TEX11: variants seen among roughly 807,000 people sequenced by gnomAD.
TEX11 encodes the protein testis expressed 11, also known as testis-expressed protein 11.
TEX11 carries 7 observed loss-of-function variants against 84.4 expected under a neutral mutation model. That is an observed-to-expected ratio of 0.08 (90% CI 0.05 to 0.16). TEX11 has a LOEUF of 0.16. Ranked by LOEUF, TEX11 falls within the 10% of genes least tolerant of loss-of-function variation. The probability of loss-of-function intolerance (pLI) is 1.00; values close to 1 mark genes in which losing one functional copy is unlikely to be tolerated. For synonymous variants in TEX11, 264 were observed against 222.8 expected (o/e 1.18, Z -1.64); for missense variants, 551 against 660.5 (o/e 0.83, Z 1.82).
chrX:70,905,422 T>A (rs1311582005), intron 2 of TEX11, among the ~76,000 whole-genome samples: 1 of 111,679 alleles, frequency 9.0e-6, no homozygotes, highest in Admixed American at 9.6e-5. Context: ...ATTTTTTTAA[T>A]GAGAAAAATA....
In TEX11 at chrX:70,904,491, CA is replaced by C. The variant is rs770474644; in HGVS notation, c.37+3261del. Reference sequence around the variant, plus strand: ...GTAAAATGGTAAATAAAAATGACAACAGTCTTCAAAATTGTAAAATTTTAAA... The same window carrying C: ...GTAAAATGGTAAATAAAAATGACAACGTCTTCAAAATTGTAAAATTTTAAA... On this transcript the variant is annotated intron_variant, in intron 2 of 29. Transcript: ENST00000374333. Among the ~76,000 whole-genome samples, 14 of 112,363 alleles carry C rather than the reference CA, an allele frequency of 1.2e-4. 1 individual carries two copies. In the South Asian group the frequency reaches 4.4e-3, roughly 35 times the overall value.
At chrX:70,878,377 T>C (rs921413895) in intron 3 of TEX11, among the ~76,000 whole-genome samples, 6 of 110,061 alleles carry the variant, frequency 5.5e-5, no homozygotes, top group Non-Finnish European at 9.5e-5. Context: ...TTCACTGTGT[T>C]AGCCAGGATG....
intron 13 of TEX11, among the ~76,000 whole-genome samples, chrX:70,704,116 T>G (rs944283106): frequency 9.9e-6 from 1 of 100,695 alleles, no homozygotes; most frequent in Admixed American, 1.0e-4. Context: ...TCTGTCTCTG[T>G]CTCTCTCTCT....
intron 9 of TEX11, among the ~76,000 whole-genome samples, chrX:70,767,741 T>C (rs1400931897): frequency 1.8e-5 from 2 of 111,956 alleles, no homozygotes; most frequent in Non-Finnish European, 3.8e-5. Flanking sequence ...CACGGATAGA[T>C]GAATGGATAA....
chrX:70,574,640 T>G (rs1005340776), intron 25 of TEX11, among the ~76,000 whole-genome samples: 1 of 111,782 alleles, frequency 8.9e-6, no homozygotes, highest in Non-Finnish European at 1.9e-5. Context: ...CCCTATTATA[T>G]GCCAGGCAAA....
At chrX:70,565,801 C>T (rs1603073615) in intron 25 of TEX11, among the ~76,000 whole-genome samples, 1 of 111,548 alleles carries the variant, frequency 9.0e-6, no homozygotes, top group East Asian at 2.8e-4. Flanking sequence ...GTTTTGGTTA[C>T]TGTAGCCTTG....
At chrX:70,811,096 T>C (rs1274468192) in intron 8 of TEX11, among the ~76,000 whole-genome samples, 1 of 111,624 alleles carries the variant, frequency 9.0e-6, no homozygotes, top group Non-Finnish European at 1.9e-5. Flanking sequence ...TACATATGCA[T>C]ACATGTGCCA....
chrX:70,734,497 G>T (rs2090681031), intron 11 of TEX11, among the ~76,000 whole-genome samples: 1 of 111,245 alleles, frequency 9.0e-6, no homozygotes, highest in South Asian at 3.8e-4. Context: ...GGTAACAAAT[G>T]AGCAAACTGT....
At chrX:70,710,446 T>C (rs897644749) in intron 13 of TEX11, among the ~76,000 whole-genome samples, 18 of 111,379 alleles carry the variant, frequency 1.6e-4, no homozygotes, top group African/African-American at 5.5e-4. Context: ...CATCTAGGAC[T>C]AAGATAATTT....
chrX:70,519,595 G>A, the TEX11 span, among the ~76,000 whole-genome samples: 1 of 110,952 alleles, frequency 9.0e-6, no homozygotes, highest in African/African-American at 3.3e-5. Flanking sequence ...TATGTCTTGG[G>A]GTTGCTCTTC....
At chrX:70,593,864 AC>A (rs764362405) in intron 24 of TEX11, among the ~76,000 whole-genome samples, 18 of 111,584 alleles carry the variant, frequency 1.6e-4, no homozygotes, top group African/African-American at 5.5e-4. Flanking sequence ...AAAAAAATAA[AC>A]CAAGCCTCAG....
intron 17 of TEX11, among the ~76,000 whole-genome samples, chrX:70,650,671 A>G (rs1394341513): frequency 1.8e-5 from 2 of 111,784 alleles, no homozygotes; most frequent in Admixed American, 1.9e-4. Flanking sequence ...TGAATAACAG[A>G]GTCCTTTGTA....
intron 9 of TEX11, among the ~76,000 whole-genome samples, chrX:70,784,240 G>C (rs779972786): frequency 9.0e-6 from 1 of 111,148 alleles, no homozygotes; most frequent in Non-Finnish European, 1.9e-5. Context: ...CATGATTATC[G>C]CAATAGATGC....
intron 25 of TEX11, among the ~76,000 whole-genome samples, chrX:70,555,366 G>A (rs1210234689): frequency 8.9e-6 from 1 of 111,951 alleles, no homozygotes; most frequent in Non-Finnish European, 1.9e-5. Flanking sequence ...CATCCTTCTT[G>A]GTAGATTGAA....
At chrX:70,583,154 T>C (rs952641453) in intron 25 of TEX11, among the ~76,000 whole-genome samples, 27 of 111,700 alleles carry the variant, frequency 2.4e-4, no homozygotes, top group African/African-American at 8.8e-4. Context: ...TTTTGTTACA[T>C]GGATATATTA....
rs201335044 is a variant in TEX11, at chrX:70,687,250, TTATC to T, written c.1005-4429_1005-4426del. ...ATTAATCCACTTCCAAGTATTTTAA[TTATC>T]TATCTCTTAAAGATAGAAACTATTT... On this transcript the variant is annotated intron_variant, in intron 13 of 29. Coordinates refer to ENST00000374333, the MANE Select transcript of TEX11 (RefSeq NM_031276.3). 6.7e-3 allele frequency among the ~76,000 whole-genome samples: 753 copies of T among 111,854 alleles called. 3 individuals carry two copies. Among genetic ancestry groups the T allele is most frequent in the African/African-American group, 0.023 (721 of 30,816 alleles).
At chrX:70,754,183 T>C (rs2090850606) in intron 9 of TEX11, among the ~76,000 whole-genome samples, 1 of 110,855 alleles carries the variant, frequency 9.0e-6, no homozygotes, top group Admixed American at 9.6e-5. Flanking sequence ...ATGGCATTTC[T>C]GGACCGTGAG....
At chrX:70,896,190 C>T (rs769630239) in intron 2 of TEX11, among the ~76,000 whole-genome samples, 4 of 111,878 alleles carry the variant, frequency 3.6e-5, no homozygotes, top group Admixed American at 1.9e-4. Context: ...AAAACAACCC[C>T]ATCAAAAAGT....
Position 70,569,620 on chromosome X carries a change from T to A in TEX11, c.2141-14820A>T, listed in dbSNP as rs187574153. On this transcript the variant is annotated intron_variant, in intron 25 of 29. Transcript: ENST00000374333. ...CCTTTCTGTTTGTTAGCTTTCCTTC[T>A]AACAGACAGGACCCTCAGCTGCAGG... Among the ~76,000 whole-genome samples, 659 of 112,238 alleles carry A rather than the reference T, an allele frequency of 5.9e-3. 9 individuals are homozygous for A. The highest frequency in any genetic ancestry group is 0.02 in the African/African-American group (623 of 30,944).
Sources: gnomAD v4.1 joint callset for allele counts (sites outside exome capture counted in the v4.1 genomes callset) on GRCh38, gnomAD v4.1.1 for gene constraint, MANE v1.5 for transcripts, NCBI Gene and HGNC (gene_info 2026-07-23, HGNC 2026-07-21) for gene names.